TPP2: variants seen among roughly 807,000 people sequenced by gnomAD.
TPP2 encodes tripeptidyl-peptidase 2.
A neutral mutation model predicts 155.9 loss-of-function variants in TPP2; 34 were observed. The ratio of observed to expected loss-of-function variants is 0.22; its 90% CI spans 0.17 to 0.29. The LOEUF (loss-of-function observed/expected upper bound fraction) is 0.29. Ranked by LOEUF, TPP2 falls within the 10% of genes least tolerant of loss-of-function variation. The pLI, the probability that TPP2 is intolerant of heterozygous loss-of-function variation, is 1.00. For synonymous variants in TPP2, 510 were observed against 529.4 expected (o/e 0.96, Z 0.50); for missense variants, 1,028 against 1,522.3 (o/e 0.68, Z 5.40).
At chr13:102,660,755 G>A (rs1884157828) in intron 25 of TPP2, among the ~76,000 whole-genome samples, 1 of 152,204 alleles carries the variant, frequency 6.6e-6, no homozygotes, top group Admixed American at 6.5e-5. Flanking sequence ...AAACAAGACA[G>A]TGTTATACTG....
chr13:102,607,275 G>A (rs1879911665), intron 2 of TPP2, among the ~76,000 whole-genome samples: 1 of 152,220 alleles, frequency 6.6e-6, no homozygotes, highest in African/African-American at 2.4e-5. Flanking sequence ...TGGAATATTT[G>A]CATTGAATAT....
chr13:102,632,264 A>C (rs1447231097), intron 10 of TPP2, among the ~76,000 whole-genome samples: 1 of 151,116 alleles, frequency 6.6e-6, no homozygotes, highest in Non-Finnish European at 1.5e-5. Flanking sequence ...TTCTTTCCTG[A>C]AACAGAGTCT....
intron 5 of TPP2, among the ~76,000 whole-genome samples, chr13:102,620,394 G>A (rs996493299): frequency 6.6e-6 from 1 of 152,110 alleles, no homozygotes; most frequent in Non-Finnish European, 1.5e-5. Flanking sequence ...ACTTTCAGGT[G>A]GTACTAGATA....
chr13:102,619,059 A>AT (rs1175590717), intron 5 of TPP2, among the ~76,000 whole-genome samples: 1 of 152,170 alleles, frequency 6.6e-6, no homozygotes, highest in Non-Finnish European at 1.5e-5. Flanking sequence ...CTTTTATCTG[A>AT]TTTAAATAAA....
chr13:102,604,287 C>G (rs990837954), intron 1 of TPP2, among the ~76,000 whole-genome samples: 3 of 152,186 alleles, frequency 2.0e-5, no homozygotes, highest in Admixed American at 6.5e-5. Flanking sequence ...ACCATCTCAG[C>G]AAGGCCTTCC....
chr13:102,615,355 G>A (rs1302812708), intron 3 of TPP2, among the ~76,000 whole-genome samples: 1 of 152,064 alleles, frequency 6.6e-6, no homozygotes, highest in Non-Finnish European at 1.5e-5. Flanking sequence ...TCACCATGTT[G>A]CCCAGGCTGG....
At chr13:102,634,973 T>A (rs1470927017) in intron 11 of TPP2, among the ~76,000 whole-genome samples, 1 of 152,190 alleles carries the variant, frequency 6.6e-6, no homozygotes, top group Non-Finnish European at 1.5e-5. Context: ...TCTGACAATA[T>A]CATCAATGTT....
intron 21 of TPP2, among the ~76,000 whole-genome samples, chr13:102,648,436 GTGTGTGTGTGTGT>G (rs1883277465): frequency 2.3e-4 from 9 of 39,422 alleles, no homozygotes; most frequent in Admixed American, 1.4e-3. Flanking sequence ...ACACGTGTGT[GTGTGTGTGTGTGT>G]GTGTGTGTGT....
chr13:102,652,227 A>G lies in TPP2; in HGVS notation c.2991+830A>G, dbSNP rs564043566. 9.2e-5 allele frequency among the ~76,000 whole-genome samples: 14 copies of G among 151,930 alleles called. No homozygotes were observed. In the South Asian group the frequency reaches 2.9e-3, roughly 32 times the overall value. On this transcript the variant is annotated intron_variant, in intron 24 of 29. Transcript: ENST00000376052. ...CCTGTCTCTACAAAAAAATGCAAAA[A>G]TTAGCCAGGCGTGGTAGCACACACT...
rs1398541436 is a variant in TPP2 at position 102,658,822 on chromosome 13, C to T, written c.3143+1615C>T. ...CGTCATCATTTCTCATCCTGACCTA[C>T]TGCCAGTTGCAGCGGCTCAGTTCCA... is the stretch of plus-strand genomic sequence containing the variant. On this transcript the variant is annotated intron_variant, in intron 25 of 29. Coordinates refer to ENST00000376052, the MANE Select transcript of TPP2 (RefSeq NM_001330588.2). 2.0e-5 allele frequency among the ~76,000 whole-genome samples: 3 copies of T among 152,210 alleles called. No individual in the cohort carries two copies. In the East Asian group the frequency reaches 5.8e-4, roughly 29 times the overall value.
At chr13:102,647,104 A>G (rs1002915744) in intron 20 of TPP2, 103 bp from the exon 21 acceptor site, 9 of 1,340,708 alleles carry the variant, frequency 6.7e-6, no homozygotes, top group Non-Finnish European at 8.8e-6. Context: ...AGTATTTTTA[A>G]TGTTTTTTAA....
chr13:102,629,434 TGGGAATA>T, intron 8 of TPP2, 41 bp from the exon 9 acceptor site: 1 of 1,443,658 alleles, frequency 6.9e-7, no homozygotes, highest in Non-Finnish European at 9.1e-7. Context: ...ATATACACTT[TGGGAATA>T]GAGGCTGATT....
At chr13:102,598,139 T>A (rs1879126089) in intron 1 of TPP2, among the ~76,000 whole-genome samples, 1 of 152,260 alleles carries the variant, frequency 6.6e-6, no homozygotes, top group Non-Finnish European at 1.5e-5. Context: ...TTAAAGTCTT[T>A]AAAGTTTAAC....
intron 24 of TPP2, among the ~76,000 whole-genome samples, chr13:102,652,660 A>C (rs1009373891): frequency 6.6e-6 from 1 of 151,956 alleles, no homozygotes; most frequent in Non-Finnish European, 1.5e-5. Flanking sequence ...TGAAATGTCC[A>C]TATTATTACA....
intron 15 of TPP2, among the ~76,000 whole-genome samples, chr13:102,639,532 T>C (rs1225135630): frequency 2.0e-5 from 3 of 152,170 alleles, no homozygotes; most frequent in Non-Finnish European, 4.4e-5. Flanking sequence ...CTTCCCAGGC[T>C]CCGTAACTCT....
chr13:102,657,261 C>T (rs1883920029), intron 25 of TPP2, 54 bp downstream of exon 25: 1 of 1,454,514 alleles, frequency 6.9e-7, no homozygotes, highest in Non-Finnish European at 9.2e-7. Flanking sequence ...ATTTTCCCAA[C>T]TATAACAATA....
rs1881682036 is a variant in TPP2, at chr13:102,627,150, C to T, written c.923C>T (p.Thr308Ile). 2 of 1,599,482 alleles carry T rather than the reference C, an allele frequency of 1.3e-6. No individual in the cohort carries two copies. The highest frequency in any genetic ancestry group is 1.3e-5 in the African/African-American group (1 of 74,150). Residue 308 changes from threonine to isoleucine, a missense_variant, in exon 7 of 30, where the codon ACA becomes ATA. By Grantham distance (89) the Thr-to-Ile change is moderately conservative. Transcript: ENST00000376052. ...DTRLSTMETGTGLIRAMIEVI... is the reference protein window; with the variant it reads ...DTRLSTMETGIGLIRAMIEVI... ...AGACTAAGCACAATGGAAACAGGCA[C>T]AGGCCTCATAAGAGCTGTGAGTGTT...
chr13:102,646,163 G>A (rs1170913779), intron 19 of TPP2, 131 bp from the exon 20 acceptor site: 1 of 580,398 alleles, frequency 1.7e-6, no homozygotes, highest in Admixed American at 3.4e-5. Context: ...AGAGTATACT[G>A]AAAAGGATAG....
chr13:102,650,832 G>A (rs893184079), intron 23 of TPP2, among the ~76,000 whole-genome samples: 1 of 152,134 alleles, frequency 6.6e-6, no homozygotes, highest in African/African-American at 2.4e-5. Context: ...TTTATCAAGG[G>A]AGACCTTCCT....
Sources: gnomAD v4.1 joint callset for allele counts (sites outside exome capture counted in the v4.1 genomes callset) on GRCh38, gnomAD v4.1.1 for gene constraint, MANE v1.5 for transcripts, NCBI Gene and HGNC (gene_info 2026-07-23, HGNC 2026-07-21) for gene names.